WWP2: variants seen among roughly 807,000 people sequenced by gnomAD.
The protein encoded by WWP2 is WW domain containing E3 ubiquitin protein ligase 2.
A neutral mutation model predicts 121.0 loss-of-function variants in WWP2; 57 were observed. That is an observed-to-expected ratio of 0.47 (90% CI 0.38 to 0.59). The LOEUF (loss-of-function observed/expected upper bound fraction) is 0.59. WWP2 is among the 20% of genes least tolerant of loss of function. The pLI is 0.00. For missense variants in WWP2, 962 were observed against 1,158.9 expected, an observed-to-expected ratio of 0.83 and a Z score of 2.47; for synonymous variants, 449 against 441.3, an observed-to-expected ratio of 1.02 and a Z score of -0.22.
chr16:69,808,282 T>G (rs2056321509), intron 4 of WWP2, among the ~76,000 whole-genome samples: 1 of 152,190 alleles, frequency 6.6e-6, no homozygotes, highest in Non-Finnish European at 1.5e-5. Flanking sequence ...TTTTTTTTTT[T>G]TAATAGAGAT....
chr16:69,877,189 C>T (rs1391867903), intron 7 of WWP2, among the ~76,000 whole-genome samples: 1 of 152,182 alleles, frequency 6.6e-6, no homozygotes, highest in Non-Finnish European at 1.5e-5. Context: ...GTGGCCAACC[C>T]CGTCAATGAT....
intron 10 of WWP2, among the ~76,000 whole-genome samples, chr16:69,920,782 C>G (rs1163476418): frequency 6.6e-6 from 1 of 151,966 alleles, no homozygotes; most frequent in Non-Finnish European, 1.5e-5. Flanking sequence ...AAGATCCTGT[C>G]TCAATAAATA....
In WWP2 at chr16:69,930,403, A is replaced by C. The variant is rs973625696; in HGVS notation, c.1445+145A>C. Reference sequence around the variant, plus strand: ...CTCTAGTGGCCAATGTTGATGTCATATTAAAGGGGATGGGAGGATAGCTTG... The same window carrying C: ...CTCTAGTGGCCAATGTTGATGTCATCTTAAAGGGGATGGGAGGATAGCTTG... On this transcript the variant is annotated intron_variant, in intron 13 of 23. Transcript: ENST00000359154. The C allele has an allele frequency of 3.1e-6, 4 of 1,305,426 alleles. No homozygotes were observed. The African/African-American group carries it at 6.0e-5, about 20-fold the overall frequency. 80.9% of individuals were successfully genotyped at this position (1,305,426 alleles called of 1,614,324 possible). A position where few individuals can be genotyped will look rare whatever the true frequency, so the allele number is the denominator to read the frequency against.
chr16:69,824,993 A>C, intron 4 of WWP2, among the ~76,000 whole-genome samples: 1 of 151,012 alleles, frequency 6.6e-6, no homozygotes, highest in Non-Finnish European at 1.5e-5. Context: ...CTGGTCTCGA[A>C]CTCCTGAGCT....
intron 4 of WWP2, among the ~76,000 whole-genome samples, chr16:69,816,759 A>G (rs557404818): frequency 1.3e-5 from 2 of 152,262 alleles, no homozygotes; most frequent in East Asian, 1.9e-4. Context: ...ACACGTATAC[A>G]TATACACATA....
Position 69,937,549 on chromosome 16 carries a change from T to A in WWP2, c.2240T>A (p.Leu747Gln). 6.2e-7 allele frequency: 1 copy of A among 1,613,928 alleles called. No homozygotes were observed. Among genetic ancestry groups the A allele is most frequent in the Non-Finnish European group, 8.5e-7 (1 of 1,179,988 alleles). The change falls in exon 21 of 24, where the codon CTG becomes CAG. Residue 747 changes from leucine (L) to glutamine (Q), a missense_variant and splice_region_variant. Coordinates refer to ENST00000359154, the MANE Select transcript of WWP2 (RefSeq NM_001270454.2). The surrounding 1 kb of genome is among the most constrained non-coding windows in gnomAD (Gnocchi z 6.6). ...ATGCTGACTGCCGCCTCTCCCCAGC[T>A]GATGCTGTGCGGCATGCAGGAGATA... ...LRYFDEKELE[L>Q]MLCGMQEIDM...
At chr16:69,866,336 T>C (rs1013798683) in intron 6 of WWP2, among the ~76,000 whole-genome samples, 6 of 151,788 alleles carry the variant, frequency 4.0e-5, no homozygotes, top group Non-Finnish European at 7.4e-5. Context: ...GGAGTCTTCC[T>C]ACATTGCCTG....
At chr16:69,887,532 A>C (rs1203206882) in intron 7 of WWP2, among the ~76,000 whole-genome samples, 1 of 152,022 alleles carries the variant, frequency 6.6e-6, no homozygotes, top group African/African-American at 2.4e-5. Flanking sequence ...CAGCCTCCCA[A>C]CTAGCTGGGA....
rs1467882319 is a variant in WWP2 at position 69,888,263 on chromosome 16, T to G, written c.914+14T>G. 1 of 1,612,950 alleles carries G rather than the reference T, an allele frequency of 6.2e-7. No individual in the cohort carries two copies. The highest frequency in any genetic ancestry group is 1.3e-5 in the African/African-American group (1 of 74,918). On this transcript the variant is annotated intron_variant, in intron 8 of 23. Coordinates refer to ENST00000359154, the MANE Select transcript of WWP2 (RefSeq NM_001270454.2). ...TCTGCCTGCTGGGTGAGTAGTCTTC[T>G]GTCCCATAACAGATCTCTCCTCCTC... is the stretch of plus-strand genomic sequence containing the variant.
chr16:69,877,802 T>A (rs1449782746), intron 7 of WWP2, among the ~76,000 whole-genome samples: 1 of 152,164 alleles, frequency 6.6e-6, no homozygotes, highest in Admixed American at 6.5e-5. Context: ...TTAAATTTGC[T>A]TTTTATTTAT....
chr16:69,767,942 A>T (rs1183161857), intron 1 of WWP2, among the ~76,000 whole-genome samples: 1 of 152,142 alleles, frequency 6.6e-6, no homozygotes, highest in Non-Finnish European at 1.5e-5. Context: ...AGCTCAAGTG[A>T]TCCTCCCATC....
chr16:69,789,694 G>A (rs763424001), intron 2 of WWP2, among the ~76,000 whole-genome samples: 6 of 152,290 alleles, frequency 3.9e-5, no homozygotes, highest in African/African-American at 4.8e-5. Flanking sequence ...AGCAATGTGC[G>A]AGAGTGCCTG....
At chr16:69,814,580 T>A (rs2056454599) in intron 4 of WWP2, among the ~76,000 whole-genome samples, 1 of 152,246 alleles carries the variant, frequency 6.6e-6, no homozygotes, top group Non-Finnish European at 1.5e-5. Flanking sequence ...CCATGTTCTG[T>A]GTGTGTTTCT....
intron 4 of WWP2, among the ~76,000 whole-genome samples, chr16:69,803,339 A>T (rs1334239376): frequency 2.0e-5 from 3 of 148,740 alleles, no homozygotes; most frequent in Non-Finnish European, 3.0e-5. Context: ...ACTTTTTTCT[A>T]TTTTTTTTTT....
At chr16:69,873,272 A>G (rs1038162459) in intron 7 of WWP2, among the ~76,000 whole-genome samples, 4 of 152,188 alleles carry the variant, frequency 2.6e-5, no homozygotes, top group African/African-American at 7.2e-5. Context: ...GCAGCACCAT[A>G]TGGGGGCTTC....
intron 10 of WWP2, 136 bp downstream of exon 10, chr16:69,918,019 AT>A: frequency 1.8e-6 from 2 of 1,139,210 alleles, no homozygotes; most frequent in Non-Finnish European, 2.4e-6. Flanking sequence ...GCCCCTGGAG[AT>A]TTTACTCATC....
chr16:69,773,205 C>T (rs1379563171), intron 1 of WWP2, among the ~76,000 whole-genome samples: 1 of 151,024 alleles, frequency 6.6e-6, no homozygotes, highest in African/African-American at 2.4e-5. Context: ...TTTGAGATGA[C>T]TCTCATGCTG....
intron 1 of WWP2, among the ~76,000 whole-genome samples, chr16:69,767,793 A>T (rs974779435): frequency 6.6e-6 from 1 of 152,150 alleles, no homozygotes; most frequent in African/African-American, 2.4e-5. Context: ...TACTTATCTT[A>T]TTAGGACTCC....
chr16:69,870,648 A>T (rs1007079906), intron 6 of WWP2, among the ~76,000 whole-genome samples: 1 of 152,146 alleles, frequency 6.6e-6, no homozygotes, highest in Admixed American at 6.5e-5. Context: ...GCATGGTACA[A>T]ATTGTCTCTG....
Sources: allele counts gnomAD v4.1 joint callset (sites outside exome capture counted in the v4.1 genomes callset), GRCh38; gene constraint gnomAD v4.1.1; non-coding constraint Gnocchi (gnomAD v3.1); transcripts MANE v1.5; gene names NCBI Gene and HGNC (gene_info 2026-07-23, HGNC 2026-07-21).